The following GOLPH3L variants were observed in gnomAD, a reference collection of about 807,000 sequenced individuals.
GOLPH3L encodes Golgi phosphoprotein 3-like.
Under a neutral mutation model 30.3 loss-of-function variants are expected in GOLPH3L, and 22 were observed. The ratio of observed to expected loss-of-function variants is 0.73; its 90% CI spans 0.52 to 1.04. GOLPH3L has a LOEUF of 1.04. Among genes scored for constraint, GOLPH3L ranks in the 50% least tolerant of loss-of-function variants. The pLI is 0.00. For missense variants in GOLPH3L, 303 were observed against 345.8 expected, an observed-to-expected ratio of 0.88 and a Z score of 0.98; for synonymous variants, 120 against 128.2, an observed-to-expected ratio of 0.94 and a Z score of 0.43.
chr1:150,674,141 A>G (rs2101802394), intron 2 of GOLPH3L, among the ~76,000 whole-genome samples: 1 of 152,284 alleles, frequency 6.6e-6, no homozygotes, highest in African/African-American at 2.4e-5. Flanking sequence ...GTATTTAGCC[A>G]TCTTAAGGGA....
intron 4 of GOLPH3L, among the ~76,000 whole-genome samples, chr1:150,659,905 C>T (rs587641301): frequency 2.0e-4 from 31 of 151,988 alleles, no homozygotes; most frequent in African/African-American, 7.0e-4. Flanking sequence ...TGTGATGGTG[C>T]GCACCCATAG....
chr1:150,648,853 C>T, intron 4 of GOLPH3L, 105 bp from the exon 5 acceptor site: 2 of 700,726 alleles, frequency 2.9e-6, no homozygotes, highest in Non-Finnish European at 5.0e-6. Context: ...AAAGCATAAT[C>T]TTCATTCCTC....
intron 2 of GOLPH3L, among the ~76,000 whole-genome samples, chr1:150,676,773 G>A (rs12095002): frequency 0.39 from 58,111 of 149,496 alleles, 11,499 homozygotes; most frequent in South Asian, 0.55. Context: ...ACTCCCGAGT[G>A]GTTGGGATTA....
intron 2 of GOLPH3L, among the ~76,000 whole-genome samples, chr1:150,678,336 A>G (rs944432827): frequency 2.0e-5 from 3 of 150,188 alleles, no homozygotes; most frequent in Non-Finnish European, 4.4e-5. Flanking sequence ...TTCCTTTCTA[A>G]GATTTAAAAA....
intron 2 of GOLPH3L, among the ~76,000 whole-genome samples, chr1:150,675,352 A>C (rs181955642): frequency 6.6e-6 from 1 of 152,250 alleles, no homozygotes; most frequent in East Asian, 1.9e-4. Context: ...AAATTCATAA[A>C]AAATAAAAAT....
At chr1:150,692,059 C>G (rs1651227106) in intron 2 of GOLPH3L, among the ~76,000 whole-genome samples, 1 of 151,864 alleles carries the variant, frequency 6.6e-6, no homozygotes, top group African/African-American at 2.4e-5. Context: ...TTATATTTAC[C>G]TTAGTATTAA....
Position 150,664,925 on chromosome 1 carries a change from C to A in GOLPH3L, c.184-1162G>T, listed in dbSNP as rs1650461670. On this transcript the variant is annotated intron_variant, in intron 2 of 4. Coordinates refer to ENST00000271732, the MANE Select transcript of GOLPH3L (RefSeq NM_018178.6). ...ACATGAGATACAATATATAAGAAAG[C>A]ATTTAGTATAGTGCCTGGCATATAG... Among the ~76,000 whole-genome samples, 5 of 152,110 alleles carry A rather than the reference C, an allele frequency of 3.3e-5. No individual in the cohort carries two copies. The South Asian group carries it at 1.0e-3, about 31-fold the overall frequency.
intron 2 of GOLPH3L, among the ~76,000 whole-genome samples, chr1:150,669,603 GTC>G (rs1472621168): frequency 1.3e-5 from 2 of 152,174 alleles, no homozygotes; most frequent in African/African-American, 4.8e-5. Flanking sequence ...ATTGCACATT[GTC>G]TCATGGCTAA....
At chr1:150,671,581 C>T (rs587613700) in intron 2 of GOLPH3L, among the ~76,000 whole-genome samples, 6 of 151,794 alleles carry the variant, frequency 4.0e-5, no homozygotes, top group South Asian at 2.1e-4. Context: ...CCAAGGCGGG[C>T]GGATCACCTA....
At chr1:150,672,775 T>G (rs892704049) in intron 2 of GOLPH3L, among the ~76,000 whole-genome samples, 2 of 152,166 alleles carry the variant, frequency 1.3e-5, no homozygotes, top group Admixed American at 6.5e-5. Context: ...CCCACTCTGT[T>G]TAATCCTATT....
At chr1:150,667,953 A>G (rs1315765370) in intron 2 of GOLPH3L, among the ~76,000 whole-genome samples, 1 of 152,082 alleles carries the variant, frequency 6.6e-6, no homozygotes, top group Non-Finnish European at 1.5e-5. Context: ...GCTCTGTTGA[A>G]AAGAACCAAT....
intron 1 of GOLPH3L, among the ~76,000 whole-genome samples, chr1:150,696,481 T>C (rs1381951460): frequency 6.6e-6 from 1 of 152,172 alleles, no homozygotes; most frequent in Non-Finnish European, 1.5e-5. Context: ...TCTTCTTGGG[T>C]TTATATATTC....
At chr1:150,655,881 C>G (rs6661872) in intron 4 of GOLPH3L, among the ~76,000 whole-genome samples, 58,575 of 152,046 alleles carry the variant, frequency 0.39, 11,603 homozygotes, top group South Asian at 0.55. Context: ...TCTAAAAATT[C>G]GCCTTTAATA....
rs775557416 is a variant in GOLPH3L, at chr1:150,648,147, C to T, written c.*174G>A. On this transcript the variant is annotated 3_prime_UTR_variant, in exon 5 of 5. Coordinates refer to ENST00000271732, the MANE Select transcript of GOLPH3L (RefSeq NM_018178.6). ...GAAGTGTAGGGAGAAATAAGGTCTG[C>T]TTATAATGGTCAAGGTCTATGGAGA... 4.4e-5 allele frequency: 25 copies of T among 564,620 alleles called. No homozygotes were observed. Among genetic ancestry groups the T allele is most frequent in the Non-Finnish European group, 7.8e-5 (25 of 318,588 alleles). 35.0% of individuals were successfully genotyped at this position (564,620 alleles called of 1,614,324 possible).
At chr1:150,652,901 A>G (rs918496881) in intron 4 of GOLPH3L, among the ~76,000 whole-genome samples, 3 of 152,102 alleles carry the variant, frequency 2.0e-5, no homozygotes, top group Non-Finnish European at 2.9e-5. Flanking sequence ...GGTTAATATA[A>G]CAAACTCTAT....
intron 2 of GOLPH3L, among the ~76,000 whole-genome samples, chr1:150,693,492 G>A (rs143507016): frequency 6.6e-6 from 1 of 151,868 alleles, no homozygotes; most frequent in Non-Finnish European, 1.5e-5. Flanking sequence ...GGCGAGGGGG[G>A]GCGGTTATTT....
At chr1:150,659,500 G>C (rs886669992) in intron 4 of GOLPH3L, among the ~76,000 whole-genome samples, 1 of 152,086 alleles carries the variant, frequency 6.6e-6, no homozygotes, top group Non-Finnish European at 1.5e-5. Flanking sequence ...CCTTTATTTC[G>C]GCCCATCCCT....
chr1:150,665,510 A>AT (rs1293201145), intron 2 of GOLPH3L, among the ~76,000 whole-genome samples: 1 of 152,078 alleles, frequency 6.6e-6, no homozygotes, highest in Non-Finnish European at 1.5e-5. Flanking sequence ...TATTTAAAAA[A>AT]TTTTTTAATT....
At chr1:150,669,962 CA>C (rs148601488) in intron 2 of GOLPH3L, among the ~76,000 whole-genome samples, 56,951 of 145,336 alleles carry the variant, frequency 0.39, 11,123 homozygotes, top group South Asian at 0.55. Flanking sequence ...AACTCCGTCT[CA>C]AAAAAAAAAA....
Sources: gnomAD v4.1 joint callset for allele counts (sites outside exome capture counted in the v4.1 genomes callset) on GRCh38, gnomAD v4.1.1 for gene constraint, MANE v1.5 for transcripts, NCBI Gene and HGNC (gene_info 2026-07-23, HGNC 2026-07-21) for gene names.